Variants in GRID2 observed in about 807,000 individuals in gnomAD.
The protein encoded by GRID2 is glutamate ionotropic receptor delta type subunit 2, also known as glutamate receptor ionotropic, delta-2.
Under a neutral mutation model 114.8 loss-of-function variants are expected in GRID2, and 33 were observed. That is an observed-to-expected ratio of 0.29 (90% CI 0.22 to 0.38). The LOEUF (loss-of-function observed/expected upper bound fraction) is 0.38. Ranked by LOEUF, GRID2 falls within the 10% of genes least tolerant of loss-of-function variation. The pLI is 1.00. For synonymous variants in GRID2, 505 were observed against 449.9 expected (o/e 1.12, Z -1.55); for missense variants, 1,184 against 1,257.7 (o/e 0.94, Z 0.89).
At chr4:93,316,927 G>A (rs1756719714) in intron 8 of GRID2, among the ~76,000 whole-genome samples, 1 of 152,044 alleles carries the variant, frequency 6.6e-6, no homozygotes, top group African/African-American at 2.4e-5. Flanking sequence ...CAGAAGTCCT[G>A]ACTCAATTCT....
chr4:92,550,596 CTCTG>C (rs895053056), intron 1 of GRID2, among the ~76,000 whole-genome samples: 91 of 152,264 alleles, frequency 6.0e-4, no homozygotes, highest in African/African-American at 1.9e-3. Flanking sequence ...TTGGCAGGCT[CTCTG>C]TCTGAGGCTT....
intron 2 of GRID2, among the ~76,000 whole-genome samples, chr4:92,732,009 TAAGAA>T (rs1271336151): frequency 1.3e-5 from 2 of 151,866 alleles, no homozygotes; most frequent in African/African-American, 4.8e-5. Flanking sequence ...TCACTGTTAA[TAAGAA>T]AAGAAAAATT....
intron 13 of GRID2, among the ~76,000 whole-genome samples, chr4:93,561,286 A>C (rs552091677): frequency 1.4e-4 from 21 of 152,282 alleles, no homozygotes; most frequent in Admixed American, 1.3e-3. Flanking sequence ...ATTGTATGTT[A>C]GTACCAGCTT....
chr4:93,661,376 G>T (rs547102395), intron 14 of GRID2, among the ~76,000 whole-genome samples: 3 of 151,952 alleles, frequency 2.0e-5, no homozygotes, highest in Non-Finnish European at 4.4e-5. Context: ...TTGCATTTTC[G>T]TGCTTTCTTT....
At chr4:93,108,990 A>G (rs1187292817) in intron 3 of GRID2, among the ~76,000 whole-genome samples, 1 of 152,090 alleles carries the variant, frequency 6.6e-6, no homozygotes, top group Non-Finnish European at 1.5e-5. Context: ...TGTATTTTTG[A>G]TAAGTTTCTC....
At chr4:92,931,627 C>A (rs549601975) in intron 2 of GRID2, among the ~76,000 whole-genome samples, 3 of 150,348 alleles carry the variant, frequency 2.0e-5, no homozygotes, top group Non-Finnish European at 4.5e-5. Flanking sequence ...AGAAGATACA[C>A]ACACACACAC....
chr4:93,006,449 T>C (rs1350525300), intron 2 of GRID2, among the ~76,000 whole-genome samples: 2 of 151,874 alleles, frequency 1.3e-5, no homozygotes, highest in Non-Finnish European at 2.9e-5. Flanking sequence ...GAAAAGAAGG[T>C]GTTTGAAATT....
intron 1 of GRID2, among the ~76,000 whole-genome samples, chr4:92,438,877 G>T (rs1467113329): frequency 6.6e-6 from 1 of 152,126 alleles, no homozygotes; most frequent in African/African-American, 2.4e-5. Context: ...TCAACATTTG[G>T]TTTTCTAGAT....
chr4:92,606,427 AG>A (rs1052844228), intron 2 of GRID2, among the ~76,000 whole-genome samples: 3 of 152,148 alleles, frequency 2.0e-5, no homozygotes, highest in Admixed American at 6.6e-5. Context: ...TTTCGCTTTA[AG>A]TCTGCTGATT....
intron 1 of GRID2, among the ~76,000 whole-genome samples, chr4:92,324,278 C>T (rs902315494): frequency 1.3e-5 from 2 of 151,952 alleles, no homozygotes; most frequent in Admixed American, 6.6e-5. Context: ...AGCTTGCACT[C>T]TCCACTCTTC....
intron 1 of GRID2, among the ~76,000 whole-genome samples, chr4:92,465,812 T>C (rs979113710): frequency 6.6e-6 from 1 of 151,906 alleles, no homozygotes; most frequent in African/African-American, 2.4e-5. Context: ...TTTCCACCAA[T>C]GTGAAAAGCA....
chr4:93,729,623 G>T (rs1348397150), intron 14 of GRID2, among the ~76,000 whole-genome samples: 1 of 151,528 alleles, frequency 6.6e-6, no homozygotes, highest in Non-Finnish European at 1.5e-5. Flanking sequence ...TTGGCTCACT[G>T]CAATCTCCAC....
chr4:92,409,208 C>T (rs1013790973), intron 1 of GRID2, among the ~76,000 whole-genome samples: 1 of 152,144 alleles, frequency 6.6e-6, no homozygotes, highest in East Asian at 1.9e-4. Flanking sequence ...AAGCTTTTCA[C>T]GTGTATTTTG....
Position 92,442,084 on chromosome 4 carries a change from G to A in GRID2, c.88+137340G>A, listed in dbSNP as rs903784522. ...ACAGTTATGGAGGCAAGGGAAACAG[G>A]CCCTTGAAAAGAAGGTAATGTGGAG... On this transcript the variant is annotated intron_variant, in intron 1 of 15. Coordinates refer to ENST00000282020, the MANE Select transcript of GRID2 (RefSeq NM_001510.4). Among the ~76,000 whole-genome samples the A allele has an allele frequency of 1.6e-3, 233 of 149,394 alleles. 1 individual carries two copies. The highest frequency in any genetic ancestry group is 4.7e-3 in the African/African-American group (192 of 41,180).
At chr4:93,571,815 GAAGAT>G (rs1308806014) in intron 13 of GRID2, among the ~76,000 whole-genome samples, 1 of 152,086 alleles carries the variant, frequency 6.6e-6, no homozygotes, top group Non-Finnish European at 1.5e-5. Flanking sequence ...ACAGAAAAGG[GAAGAT>G]AAGTTTGTGA....
At chr4:93,730,133 C>T (rs902110342) in intron 14 of GRID2, among the ~76,000 whole-genome samples, 41 of 152,068 alleles carry the variant, frequency 2.7e-4, no homozygotes, top group Admixed American at 9.2e-4. Context: ...ATTCTGAGTG[C>T]GAAAGAGAGA....
intron 3 of GRID2, among the ~76,000 whole-genome samples, chr4:93,103,322 C>G (rs1045925270): frequency 1.3e-5 from 2 of 152,058 alleles, no homozygotes; most frequent in Non-Finnish European, 2.9e-5. Context: ...AGAGCAGTCC[C>G]TGATAGCCTC....
intron 4 of GRID2, among the ~76,000 whole-genome samples, chr4:93,161,960 C>G (rs1285075400): frequency 6.6e-6 from 1 of 151,618 alleles, no homozygotes; most frequent in Non-Finnish European, 1.5e-5. Context: ...TTTATTTTGA[C>G]TATGGCAGCA....
intron 8 of GRID2, among the ~76,000 whole-genome samples, chr4:93,364,251 A>C (rs1762134558): frequency 6.6e-6 from 1 of 152,138 alleles, no homozygotes; most frequent in Non-Finnish European, 1.5e-5. Context: ...GTGCTTAGAC[A>C]CATGTGGAAA....
Sources: allele counts gnomAD v4.1 joint callset (sites outside exome capture counted in the v4.1 genomes callset), GRCh38; gene constraint gnomAD v4.1.1; transcripts MANE v1.5; gene names NCBI Gene and HGNC (gene_info 2026-07-23, HGNC 2026-07-21).